TMTC1: variants seen among roughly 807,000 people sequenced by gnomAD.
TMTC1 encodes the protein protein O-mannosyl-transferase TMTC1.
TMTC1 carries 73 observed loss-of-function variants against 104.8 expected under a neutral mutation model. The observed-to-expected ratio is 0.70, with a 90% CI of 0.58 to 0.85. The LOEUF (loss-of-function observed/expected upper bound fraction) is 0.85. Among genes scored for constraint, TMTC1 ranks in the 40% least tolerant of loss-of-function variants. The pLI, the probability that TMTC1 is intolerant of heterozygous loss-of-function variation, is 0.00. For missense variants in TMTC1, 1,035 were observed against 1,096.1 expected, an observed-to-expected ratio of 0.94 and a Z score of 0.79; for synonymous variants, 434 against 428.7, an observed-to-expected ratio of 1.01 and a Z score of -0.15.
intron 9 of TMTC1, among the ~76,000 whole-genome samples, chr12:29,559,637 C>T (rs1945330515): frequency 6.6e-6 from 1 of 152,160 alleles, no homozygotes. Context: ...CAATTATAGT[C>T]CGGGAAGAGG....
chr12:29,703,564 C>A (rs115099212), intron 5 of TMTC1, among the ~76,000 whole-genome samples: 1 of 152,114 alleles, frequency 6.6e-6, no homozygotes, highest in Non-Finnish European at 1.5e-5. Flanking sequence ...ACCATTTGCT[C>A]GGATTAAATT....
intron 9 of TMTC1, among the ~76,000 whole-genome samples, chr12:29,561,188 G>GA (rs58224772): frequency 8.8e-4 from 119 of 135,084 alleles, no homozygotes; most frequent in East Asian, 1.3e-3. Flanking sequence ...ATCTTTTAAA[G>GA]AAAAAAAAAA....
intron 5 of TMTC1, among the ~76,000 whole-genome samples, chr12:29,694,913 A>G (rs770765260): frequency 1.3e-5 from 2 of 151,740 alleles, no homozygotes; most frequent in African/African-American, 2.4e-5. Context: ...TAGCCTGGGC[A>G]ACAAGAGCGA....
Position 29,619,825 on chromosome 12 carries a change from A to G in TMTC1, c.1128+13322T>C, listed in dbSNP as rs1189304791. 2.6e-5 allele frequency among the ~76,000 whole-genome samples: 4 copies of G among 152,226 alleles called. No homozygotes were observed. The South Asian group carries it at 6.2e-4, about 24-fold the overall frequency. On this transcript the variant is annotated intron_variant, in intron 6 of 17. Coordinates refer to ENST00000539277, the MANE Select transcript of TMTC1 (RefSeq NM_001193451.2). ...TTCTGCCCTTCTGTTACATTTGAAC[A>G]TACTACCTTCCCGAACTATGCTTCT...
intron 5 of TMTC1, among the ~76,000 whole-genome samples, chr12:29,664,049 T>C (rs1311598120): frequency 2.0e-5 from 3 of 149,962 alleles, no homozygotes; most frequent in Non-Finnish European, 3.0e-5. Flanking sequence ...TAGCCGGGCG[T>C]AGTGGCGGGC....
At position 29,770,817 on chromosome 12, in the gene TMTC1, G is replaced by A. The variant is rs538241411; in HGVS notation, c.303-2742C>T. 1.1e-4 allele frequency among the ~76,000 whole-genome samples: 17 copies of A among 152,208 alleles called. No homozygotes were observed. In the South Asian group the frequency reaches 3.1e-3, roughly 28 times the overall value. ...CAAAATGCTAACGAAAGCTTCTAGC[G>A]TATTCTACGTGTGATCACAGAGAAA... On this transcript the variant is annotated intron_variant, in intron 1 of 17. Coordinates refer to ENST00000539277, the MANE Select transcript of TMTC1 (RefSeq NM_001193451.2).
chr12:29,560,838 C>T (rs1287563313), intron 9 of TMTC1, among the ~76,000 whole-genome samples: 1 of 152,032 alleles, frequency 6.6e-6, no homozygotes, highest in African/African-American at 2.4e-5. Flanking sequence ...CGAATGTCAG[C>T]ATGTTAATAG....
intron 11 of TMTC1, 176 bp downstream of exon 11, chr12:29,536,029 TACAC>T: frequency 1.7e-6 from 1 of 588,936 alleles, no homozygotes; most frequent in Non-Finnish European, 3.0e-6. Flanking sequence ...CGACCTGTGA[TACAC>T]AGAGAATATT....
In TMTC1 at chr12:29,684,724, G is replaced by A. The variant is rs1221573147; in HGVS notation, c.939-51388C>T. Among the ~76,000 whole-genome samples the A allele has an allele frequency of 3.3e-5, 5 of 152,148 alleles. No individual in the cohort carries two copies. The East Asian group carries it at 9.6e-4, about 29-fold the overall frequency. On this transcript the variant is annotated intron_variant, in intron 5 of 17. Coordinates refer to ENST00000539277, the MANE Select transcript of TMTC1 (RefSeq NM_001193451.2). ...GACTGTGCTACTATGAGCTGTAGCT[G>A]TAATGAGGATTAAATAAGAAAATAC...
Position 29,687,532 on chromosome 12 carries a change from G to C in TMTC1, c.939-54196C>G, listed in dbSNP as rs141674585. On this transcript the variant is annotated intron_variant, in intron 5 of 17. Transcript: ENST00000539277. ...ATCTGGGATGTCTTTTGCTATAAAGGACATTATTAAAACAACGGACACAGT... is the reference window on the plus strand; with the variant it reads ...ATCTGGGATGTCTTTTGCTATAAAGCACATTATTAAAACAACGGACACAGT... Among the ~76,000 whole-genome samples, 977 of 151,848 alleles carry C rather than the reference G, an allele frequency of 6.4e-3. 8 individuals are homozygous for C. Among genetic ancestry groups the C allele is most frequent in the African/African-American group, 0.022 (919 of 41,482 alleles).
chr12:29,568,491 C>T (rs1274102235), intron 9 of TMTC1, among the ~76,000 whole-genome samples: 1 of 152,090 alleles, frequency 6.6e-6, no homozygotes, highest in African/African-American at 2.4e-5. Flanking sequence ...TTTTAAATAT[C>T]AAAACTGAGA....
At chr12:29,670,942 AAG>A (rs1555185138) in intron 5 of TMTC1, among the ~76,000 whole-genome samples, 3 of 119,396 alleles carry the variant, frequency 2.5e-5, no homozygotes, top group Non-Finnish European at 5.2e-5. Flanking sequence ...CTCAAAAAAA[AAG>A]AAAAAAAAGG....
intron 7 of TMTC1, among the ~76,000 whole-genome samples, chr12:29,597,289 G>A (rs564346876): frequency 7.4e-6 from 1 of 134,634 alleles, no homozygotes; most frequent in East Asian, 2.1e-4. Flanking sequence ...TGCTCAGGCT[G>A]GTCTTGAACT....
chr12:29,744,928 T>C (rs1254758500), intron 5 of TMTC1, among the ~76,000 whole-genome samples: 5 of 151,108 alleles, frequency 3.3e-5, no homozygotes, highest in Non-Finnish European at 5.9e-5. Flanking sequence ...GTACTTAACT[T>C]TTTTTTTTCT....
intron 9 of TMTC1, among the ~76,000 whole-genome samples, chr12:29,559,246 C>T (rs1488786372): frequency 6.6e-6 from 1 of 152,190 alleles, no homozygotes; most frequent in East Asian, 1.9e-4. Flanking sequence ...AAGGAAAGGA[C>T]AGGCTAAATT....
intron 5 of TMTC1, among the ~76,000 whole-genome samples, chr12:29,716,636 C>T (rs1388958649): frequency 1.3e-5 from 2 of 151,692 alleles, no homozygotes; most frequent in Admixed American, 6.6e-5. Context: ...CTAATGAAAA[C>T]ATAAAATTGT....
chr12:29,663,302 G>A lies in TMTC1; in HGVS notation c.939-29966C>T, dbSNP rs111402107. 6.6e-3 allele frequency among the ~76,000 whole-genome samples: 998 copies of A among 152,284 alleles called. 13 individuals carry two copies. Among genetic ancestry groups the A allele is most frequent in the African/African-American group, 0.023 (962 of 41,554 alleles). ...ATCAATGGCAGCAGAAAGGCAAAGAGAATGACACAGTGGAAATGGAAAAGG... is the reference window on the plus strand; with the variant it reads ...ATCAATGGCAGCAGAAAGGCAAAGAAAATGACACAGTGGAAATGGAAAAGG... On this transcript the variant is annotated intron_variant, in intron 5 of 17. Transcript: ENST00000539277.
chr12:29,538,096 A>G (rs1944694050), intron 10 of TMTC1, among the ~76,000 whole-genome samples: 1 of 152,176 alleles, frequency 6.6e-6, no homozygotes, highest in Non-Finnish European at 1.5e-5. Context: ...GAACAGGTAT[A>G]ACACCCATGT....
chr12:29,743,079 C>T (rs1375753549), intron 5 of TMTC1, among the ~76,000 whole-genome samples: 3 of 152,332 alleles, frequency 2.0e-5, no homozygotes, highest in Admixed American at 6.5e-5. Context: ...CTATCATAAG[C>T]TGTTTCATGT....
Sources: gnomAD v4.1 joint callset for allele counts (sites outside exome capture counted in the v4.1 genomes callset) on GRCh38, gnomAD v4.1.1 for gene constraint, MANE v1.5 for transcripts, NCBI Gene and HGNC (gene_info 2026-07-23, HGNC 2026-07-21) for gene names.